PPP2R5E: variants seen among roughly 807,000 people sequenced by gnomAD.
PPP2R5E encodes the protein serine/threonine-protein phosphatase 2A 56 kDa regulatory subunit epsilon isoform.
A neutral mutation model predicts 65.3 loss-of-function variants in PPP2R5E; 4 were observed. The ratio of observed to expected loss-of-function variants is 0.06; its 90% CI spans 0.03 to 0.14. The LOEUF (loss-of-function observed/expected upper bound fraction) is 0.14, where lower values mean the gene tolerates loss of function less well. Ranked by LOEUF, PPP2R5E falls within the 10% of genes least tolerant of loss-of-function variation. The pLI, the probability that PPP2R5E is intolerant of heterozygous loss-of-function variation, is 1.00. For synonymous variants in PPP2R5E, 183 were observed against 187.4 expected (o/e 0.98, Z 0.19); for missense variants, 274 against 556.1 (o/e 0.49, Z 5.10).
Position 63,473,321 on chromosome 14 carries a change from A to C in PPP2R5E, c.158-19436T>G, listed in dbSNP as rs183671111. 3.9e-5 allele frequency among the ~76,000 whole-genome samples: 6 copies of C among 152,336 alleles called. No homozygotes were observed. The East Asian group carries it at 1.2e-3, about 29-fold the overall frequency. On this transcript the variant is annotated intron_variant, in intron 2 of 13. Transcript: ENST00000337537. ...TTCCAGAGTTTTCCCATAAAGGTGAAAGTTGAAATCAAAGGAACAGATAAG... is the reference window on the plus strand; with the variant it reads ...TTCCAGAGTTTTCCCATAAAGGTGACAGTTGAAATCAAAGGAACAGATAAG...
At position 63,388,465 on chromosome 14, in the gene PPP2R5E, T is replaced by G. The variant is rs1884814522; in HGVS notation, c.1074+1147A>C. ...ATGATGCTCATTTTTAAAAAAATAC[T>G]TGTTCCTTGACCTCCATAATGCCAA... On this transcript the variant is annotated intron_variant, in intron 11 of 13. Coordinates refer to ENST00000337537, the MANE Select transcript of PPP2R5E (RefSeq NM_006246.5). Among the ~76,000 whole-genome samples, 4 of 152,166 alleles carry G rather than the reference T, an allele frequency of 2.6e-5. No homozygotes were observed. In the South Asian group the frequency reaches 8.3e-4, roughly 32 times the overall value.
chr14:63,463,714 A>G (rs1218860788), intron 2 of PPP2R5E, among the ~76,000 whole-genome samples: 2 of 150,590 alleles, frequency 1.3e-5, no homozygotes, highest in Admixed American at 1.3e-4. Context: ...CTCCTGCCTC[A>G]GCCTCCCGAG....
chr14:63,400,215 G>C (rs1372758817), intron 5 of PPP2R5E, among the ~76,000 whole-genome samples: 1 of 152,198 alleles, frequency 6.6e-6, no homozygotes, highest in African/African-American at 2.4e-5. Flanking sequence ...ACAATGATAA[G>C]CAAGACAGAT....
At chr14:63,472,776 AG>A (rs1890195973) in intron 2 of PPP2R5E, among the ~76,000 whole-genome samples, 1 of 152,252 alleles carries the variant, frequency 6.6e-6, no homozygotes, top group South Asian at 2.1e-4. Context: ...ACAGGTGACT[AG>A]AAAGAGTGGG....
At chr14:63,428,900 T>A (rs1043296216) in intron 3 of PPP2R5E, among the ~76,000 whole-genome samples, 1 of 152,192 alleles carries the variant, frequency 6.6e-6, no homozygotes, top group African/African-American at 2.4e-5. Flanking sequence ...TTTTACACTA[T>A]GATTTTGATT....
intron 2 of PPP2R5E, among the ~76,000 whole-genome samples, chr14:63,501,609 T>C (rs2139669308): frequency 6.6e-6 from 1 of 152,166 alleles, no homozygotes; most frequent in South Asian, 2.1e-4. Flanking sequence ...CATTCTGAGG[T>C]GATAAAAATG....
chr14:63,417,707 C>A (rs548886482), intron 4 of PPP2R5E, among the ~76,000 whole-genome samples: 17 of 151,898 alleles, frequency 1.1e-4, no homozygotes, highest in Non-Finnish European at 1.9e-4. Flanking sequence ...CAAGTGAAAT[C>A]GGCTTTTTTA....
At chr14:63,444,424 T>A (rs150140310) in intron 3 of PPP2R5E, among the ~76,000 whole-genome samples, 17 of 152,318 alleles carry the variant, frequency 1.1e-4, no homozygotes, top group Non-Finnish European at 2.2e-4. Context: ...ACTGTTCACG[T>A]GAGTATTCCC....
chr14:63,519,897 T>A (rs1386067228), intron 2 of PPP2R5E, among the ~76,000 whole-genome samples: 2 of 152,024 alleles, frequency 1.3e-5, no homozygotes, highest in African/African-American at 4.8e-5. Context: ...CCTGACCTCG[T>A]GATCCGCCCG....
At chr14:63,431,199 C>G (rs1240119635) in intron 3 of PPP2R5E, among the ~76,000 whole-genome samples, 3 of 151,470 alleles carry the variant, frequency 2.0e-5, no homozygotes, top group Non-Finnish European at 4.4e-5. Flanking sequence ...ACCCAGGAGG[C>G]AGCGGTTGCA....
At chr14:63,428,242 T>TA (rs1887446748) in intron 3 of PPP2R5E, among the ~76,000 whole-genome samples, 1 of 152,294 alleles carries the variant, frequency 6.6e-6, no homozygotes, top group Non-Finnish European at 1.5e-5. Context: ...CTCCCCCAGT[T>TA]AGATTTTGAA....
chr14:63,446,383 G>A (rs1392777994), intron 3 of PPP2R5E, among the ~76,000 whole-genome samples: 1 of 152,078 alleles, frequency 6.6e-6, no homozygotes, highest in Non-Finnish European at 1.5e-5. Context: ...TTTTCAGAAG[G>A]TTTTCGATTT....
At chr14:63,503,620 GAC>G (rs1468780135) in intron 2 of PPP2R5E, among the ~76,000 whole-genome samples, 1 of 152,200 alleles carries the variant, frequency 6.6e-6, no homozygotes, top group Non-Finnish European at 1.5e-5. Flanking sequence ...CTGCAAGGAA[GAC>G]AGTTGTTTTA....
At chr14:63,497,571 A>G (rs1891632370) in intron 2 of PPP2R5E, among the ~76,000 whole-genome samples, 1 of 152,080 alleles carries the variant, frequency 6.6e-6, no homozygotes, top group Non-Finnish European at 1.5e-5. Context: ...CAACATGGTG[A>G]AACCCGTCTC....
intron 3 of PPP2R5E, among the ~76,000 whole-genome samples, chr14:63,438,041 A>G (rs536038130): frequency 2.0e-5 from 3 of 152,302 alleles, no homozygotes; most frequent in Admixed American, 2.0e-4. Context: ...GCTCCTGAGA[A>G]GTCACTGAAT....
At chr14:63,472,463 T>C (rs1333798777) in intron 2 of PPP2R5E, among the ~76,000 whole-genome samples, 1 of 152,266 alleles carries the variant, frequency 6.6e-6, no homozygotes, top group African/African-American at 2.4e-5. Context: ...GAAAATGTAA[T>C]GACACAGAAG....
At chr14:63,541,693 A>G (rs1178655157) in intron 1 of PPP2R5E, among the ~76,000 whole-genome samples, 1 of 152,220 alleles carries the variant, frequency 6.6e-6, no homozygotes, top group African/African-American at 2.4e-5. Context: ...TTCTTCCTGA[A>G]CACGTGAGAA....
chr14:63,436,936 G>A (rs941076074), intron 3 of PPP2R5E, among the ~76,000 whole-genome samples: 2 of 152,222 alleles, frequency 1.3e-5, no homozygotes, highest in African/African-American at 2.4e-5. Flanking sequence ...TGCATTCCCA[G>A]TAAGTTAAGG....
intron 2 of PPP2R5E, among the ~76,000 whole-genome samples, chr14:63,492,344 T>G (rs185771644): frequency 1.3e-5 from 2 of 152,244 alleles, no homozygotes; most frequent in East Asian, 3.9e-4. Flanking sequence ...TTCTTCCCAG[T>G]TAAGGACTCA....
Sources: allele counts gnomAD v4.1 joint callset (sites outside exome capture counted in the v4.1 genomes callset), GRCh38; gene constraint gnomAD v4.1.1; transcripts MANE v1.5; gene names NCBI Gene and HGNC (gene_info 2026-07-23, HGNC 2026-07-21).